The following CNOT6 variants were observed in gnomAD, a reference collection of about 807,000 sequenced individuals.
CNOT6 encodes the protein carbon catabolite repression 4 protein.
A neutral mutation model predicts 61.2 loss-of-function variants in CNOT6; 12 were observed. The observed-to-expected ratio is 0.20, with a 90% CI of 0.13 to 0.32. CNOT6 has a LOEUF of 0.32. Among genes scored for constraint, CNOT6 ranks in the 10% least tolerant of loss-of-function variants. The pLI, the probability that CNOT6 is intolerant of heterozygous loss-of-function variation, is 1.00. For synonymous variants in CNOT6, 225 were observed against 240.6 expected (o/e 0.94, Z 0.60); for missense variants, 405 against 663.9 (o/e 0.61, Z 4.28).
intron 1 of CNOT6, among the ~76,000 whole-genome samples, chr5:180,510,885 A>G (rs1470345473): frequency 4.6e-5 from 7 of 152,046 alleles, no homozygotes; most frequent in Admixed American, 1.3e-4. Flanking sequence ...GCTTACTGCA[A>G]TCTCCATCTC....
In CNOT6 at chr5:180,504,194, A is replaced by C. The variant is rs74984383; in HGVS notation, c.-3+9431A>C. Among the ~76,000 whole-genome samples the C allele has an allele frequency of 1.7e-3, 262 of 152,356 alleles. 7 individuals carry two copies. In the East Asian group the frequency reaches 0.043, roughly 25 times the overall value. On this transcript the variant is annotated intron_variant, in intron 1 of 11. Coordinates refer to ENST00000261951, the MANE Select transcript of CNOT6 (RefSeq NM_001370472.1). ...ATTATTTTGGAAAAGGCAGTCTGTT[A>C]TACATCTGTAGTCAAAAAGCAGTGT...
intron 11 of CNOT6, 27 bp from the exon 12 acceptor site, chr5:180,573,961 C>T (rs1760894900): frequency 6.7e-7 from 1 of 1,489,186 alleles, no homozygotes; most frequent in Non-Finnish European, 9.4e-7. Flanking sequence ...TTATACGGTG[C>T]TTATCTTTTT....
rs1761093356 is a variant in CNOT6, at chr5:180,578,226, G to A, written c.*4026G>A. 6.6e-6 allele frequency: 1 copy of A among 152,546 alleles called. No individual in the cohort carries two copies. Among genetic ancestry groups the A allele is most frequent in the Non-Finnish European group, 1.5e-5 (1 of 68,014 alleles). The allele number at this position is 152,546 out of a possible 1,614,324, so 9.4% of individuals were successfully genotyped here. The stretch of plus-strand genomic sequence containing the variant: ...TCAATTTTATATTTAGGCAACTGAT[G>A]GTCCTTTTGCATTTAGGATTTTCGT... On this transcript the variant is annotated 3_prime_UTR_variant, in exon 12 of 12. Transcript: ENST00000261951.
intron 2 of CNOT6, among the ~76,000 whole-genome samples, chr5:180,539,413 G>C (rs114829123): frequency 0.018 from 2,676 of 147,822 alleles, 71 homozygotes; most frequent in African/African-American, 0.062. Flanking sequence ...TTCTTTTCTT[G>C]CTTCTATCAT....
At chr5:180,523,896 C>T (rs1757976802) in intron 1 of CNOT6, among the ~76,000 whole-genome samples, 1 of 152,190 alleles carries the variant, frequency 6.6e-6, no homozygotes, top group Non-Finnish European at 1.5e-5. Flanking sequence ...GCACCACTAA[C>T]TTTCCCAGGA....
chr5:180,518,470 G>T (rs906763264), intron 1 of CNOT6, among the ~76,000 whole-genome samples: 1 of 151,790 alleles, frequency 6.6e-6, no homozygotes, highest in African/African-American at 2.4e-5. Flanking sequence ...AGTCTATATT[G>T]ATATTCTCAA....
At position 180,510,133 on chromosome 5, in the gene CNOT6, C is replaced by CATTT. The variant is rs1561633413; in HGVS notation, c.-3+15370_-3+15371insATTT. Among the ~76,000 whole-genome samples, 4 of 73,066 alleles carry CATTT rather than the reference C, an allele frequency of 5.5e-5. No homozygotes were observed. In the East Asian group the frequency reaches 2.2e-3, roughly 40 times the overall value. 47.9% of individuals were successfully genotyped at this position (73,066 alleles called of 152,430 possible). On this transcript the variant is annotated intron_variant, in intron 1 of 11. Transcript: ENST00000261951. ...CTAAATGAGGTTTATCGTCTGTAAA[C>CATTT]CTTTTTTTTTTTTTTTTTTTTTTTT...
At chr5:180,553,257 C>A in intron 3 of CNOT6, 129 bp from the exon 4 acceptor site, 1 of 500,800 alleles carries the variant, frequency 2.0e-6, no homozygotes, top group Non-Finnish European at 3.7e-6. Flanking sequence ...AAACGCAGTA[C>A]TAGACATTGA....
Position 180,569,214 on chromosome 5 carries a change from A to C in CNOT6, c.1132A>C (p.Met378Leu). ...YSDVKLVQTM[M>L]FLSEVKNIID... ...TGATGTGAAGTTGGTACAAACTATG[A>C]TGTTCCTCTCAGAAGTGAAGAACAT... The change falls in exon 10 of 12, where the codon ATG (methionine) becomes CTG (leucine). Residue 378 changes from methionine (M) to leucine (L), a missense_variant. Transcript: ENST00000261951. 6.2e-7 allele frequency: 1 copy of C among 1,614,078 alleles called. No individual in the cohort carries two copies. Among genetic ancestry groups the C allele is most frequent in the Non-Finnish European group, 8.5e-7 (1 of 1,179,932 alleles).
chr5:180,558,762 A>G (rs560920834), intron 4 of CNOT6, among the ~76,000 whole-genome samples: 38 of 152,138 alleles, frequency 2.5e-4, no homozygotes, highest in Admixed American at 3.9e-4. Flanking sequence ...TCCAGCAACA[A>G]ATTTTGATAT....
chr5:180,539,051 A>G (rs1003527700), intron 2 of CNOT6, among the ~76,000 whole-genome samples: 1 of 150,306 alleles, frequency 6.7e-6, no homozygotes, highest in Non-Finnish European at 1.5e-5. Context: ...GGTATGTGCC[A>G]GTAGTCCCTG....
At chr5:180,569,571 A>G (rs936767992) in intron 10 of CNOT6, among the ~76,000 whole-genome samples, 1 of 152,256 alleles carries the variant, frequency 6.6e-6, no homozygotes, top group Non-Finnish European at 1.5e-5. Flanking sequence ...CACATAAGCA[A>G]TAACGTGAAA....
At chr5:180,523,921 G>GT (rs1269155451) in intron 1 of CNOT6, among the ~76,000 whole-genome samples, 1 of 152,140 alleles carries the variant, frequency 6.6e-6, no homozygotes, top group Non-Finnish European at 1.5e-5. Flanking sequence ...CATAGGTTTT[G>GT]TATGTTTAAG....
At chr5:180,530,786 C>T (rs1758321494) in intron 2 of CNOT6, among the ~76,000 whole-genome samples, 1 of 152,156 alleles carries the variant, frequency 6.6e-6, no homozygotes, top group Admixed American at 6.5e-5. Context: ...AGCATGCTGC[C>T]TTCAAGCATC....
chr5:180,562,656 C>T (rs1208602846), intron 4 of CNOT6, among the ~76,000 whole-genome samples: 8 of 152,048 alleles, frequency 5.3e-5, no homozygotes, highest in South Asian at 2.1e-4. Flanking sequence ...AGGAGAATGG[C>T]GTGAACCCGG....
intron 1 of CNOT6, among the ~76,000 whole-genome samples, chr5:180,525,465 G>A (rs1758058553): frequency 6.6e-6 from 1 of 151,948 alleles, no homozygotes; most frequent in Non-Finnish European, 1.5e-5. Flanking sequence ...TTTGAGCCTG[G>A]GAGGTGAAGG....
At chr5:180,496,491 T>C (rs1291540791) in intron 1 of CNOT6, among the ~76,000 whole-genome samples, 1 of 152,130 alleles carries the variant, frequency 6.6e-6, no homozygotes, top group African/African-American at 2.4e-5. Flanking sequence ...TTGGAAGTTA[T>C]TTCAGGTCAC....
chr5:180,555,678 T>G (rs772490002), intron 4 of CNOT6, among the ~76,000 whole-genome samples: 4 of 152,258 alleles, frequency 2.6e-5, no homozygotes, highest in Non-Finnish European at 5.9e-5. Context: ...GCTGCTTTAC[T>G]TCTTAAAGCA....
intron 4 of CNOT6, among the ~76,000 whole-genome samples, chr5:180,557,748 G>T (rs12188182): frequency 6.6e-6 from 1 of 151,938 alleles, no homozygotes; most frequent in Non-Finnish European, 1.5e-5. Context: ...CCTGATTCTT[G>T]TTTCAAGTCT....
Sources: gnomAD v4.1 joint callset for allele counts (sites outside exome capture counted in the v4.1 genomes callset) on GRCh38, gnomAD v4.1.1 for gene constraint, MANE v1.5 for transcripts, NCBI Gene and HGNC (gene_info 2026-07-23, HGNC 2026-07-21) for gene names.